LRRC51: variants seen among roughly 807,000 people sequenced by gnomAD.
LRRC51 encodes leucine rich repeat containing 51, also known as leucine-rich repeat-containing protein 51.
LRRC51 carries 8 observed loss-of-function variants against 17.8 expected under a neutral mutation model. The ratio of observed to expected loss-of-function variants is 0.45; its 90% CI spans 0.26 to 0.81. LRRC51 has a LOEUF of 0.81. LRRC51 is among the 30% of genes least tolerant of loss of function. The pLI, the probability that LRRC51 is intolerant of heterozygous loss-of-function variation, is 0.17. For synonymous variants in LRRC51, 92 were observed against 96.0 expected, an observed-to-expected ratio of 0.96 and a Z score of 0.24; for missense variants, 233 against 239.3, an observed-to-expected ratio of 0.97 and a Z score of 0.17.
intron 3 of LRRC51, among the ~76,000 whole-genome samples, chr11:72,090,490 T>C (rs905915530): frequency 6.6e-6 from 1 of 152,138 alleles, no homozygotes; most frequent in Admixed American, 6.5e-5. Flanking sequence ...TATATATGTG[T>C]GTGTGTGTGT....
intron 1 of LRRC51, among the ~76,000 whole-genome samples, chr11:72,084,044 T>G (rs1038376899): frequency 6.6e-6 from 1 of 152,224 alleles, no homozygotes; most frequent in African/African-American, 2.4e-5. Context: ...TTGCCCAGAC[T>G]GGAGTGCAGT....
chr11:72,084,591 C>A (rs1944417596), intron 1 of LRRC51, among the ~76,000 whole-genome samples: 1 of 152,096 alleles, frequency 6.6e-6, no homozygotes, highest in Non-Finnish European at 1.5e-5. Flanking sequence ...AATCCCAGCA[C>A]TTTGGGAGGC....
intron 3 of LRRC51, 146 bp downstream of exon 3, chr11:72,089,311 G>T: frequency 6.6e-7 from 1 of 1,509,966 alleles, no homozygotes; most frequent in Non-Finnish European, 9.0e-7. Context: ...GGAGGGTAGG[G>T]GAGAGTGAGA....
chr11:72,083,300 C>A (rs1944347510), intron 1 of LRRC51, among the ~76,000 whole-genome samples: 1 of 152,184 alleles, frequency 6.6e-6, no homozygotes, highest in Non-Finnish European at 1.5e-5. Context: ...TCCAAGTACC[C>A]TTCCACCATA....
chr11:72,092,704 C>T (rs150982170), intron 3 of LRRC51, among the ~76,000 whole-genome samples: 67 of 152,340 alleles, frequency 4.4e-4, no homozygotes, highest in African/African-American at 1.6e-3. Flanking sequence ...CACACAAACC[C>T]GCCCCAGACT....
chr11:72,086,825 C>T (rs747810534), intron 1 of LRRC51, among the ~76,000 whole-genome samples: 21 of 152,216 alleles, frequency 1.4e-4, no homozygotes, highest in Non-Finnish European at 2.8e-4. Context: ...TGGTGCATAA[C>T]TCTGGGGTAC....
intron 1 of LRRC51, 67 bp from the exon 2 acceptor site, chr11:72,088,230 G>T (rs1402579242): frequency 1.7e-6 from 1 of 594,096 alleles, no homozygotes; most frequent in South Asian, 2.1e-5. Context: ...AATTGGAAAC[G>T]ATCTGATAAG....
In LRRC51 at chr11:72,089,025, C is replaced by A; in HGVS notation, c.-55-4C>A. 1 of 1,611,470 alleles carries A rather than the reference C, an allele frequency of 6.2e-7. No homozygotes were observed. The highest frequency in any genetic ancestry group is 8.5e-7 in the Non-Finnish European group (1 of 1,179,620). On this transcript the variant is annotated splice_region_variant and splice_polypyrimidine_tract_variant and intron_variant, in intron 2 of 5. Coordinates refer to ENST00000289488, the MANE Select transcript of LRRC51 (RefSeq NM_145309.6). ...GAAACACTGGTCTTTCTCTGTCCTC[C>A]CAGGCTGAACCCAGACTCCCAGGGC...
In LRRC51 at chr11:72,094,686, T is replaced by TGA. The variant is rs34329029; in HGVS notation, c.289-256_289-255dup. The TGA allele has an allele frequency of 0.093, 67,541 of 722,600 alleles. 4,448 individuals carry two copies. Among genetic ancestry groups the TGA allele is most frequent in the East Asian group, 0.22 (8,331 of 37,350 alleles). The allele number at this position is 722,600 out of a possible 1,614,324, so 44.8% of individuals were successfully genotyped here. On this transcript the variant is annotated intron_variant, in intron 4 of 5. Transcript: ENST00000289488. The stretch of plus-strand genomic sequence containing the variant: ...TCTTCAGTGAAGGGGCAACTAAGGC[T>TGA]GAGAGAGGCAAGTCAGTGGCAGTGC...
In LRRC51 at chr11:72,096,813, A is replaced by G; in HGVS notation, c.*1293A>G. The G allele has an allele frequency of 2.2e-6, 3 of 1,334,786 alleles. No individual in the cohort carries two copies. The highest frequency in any genetic ancestry group is 2.9e-6 in the Non-Finnish European group (3 of 1,020,436). 82.7% of individuals were successfully genotyped at this position (1,334,786 alleles called of 1,614,324 possible). A position where few individuals can be genotyped will look rare whatever the true frequency, so the allele number is the denominator to read the frequency against. ...TCTGAAACCAGCCCCCACTTCAATCAGATCAAAGTAATTCCATTCTGTTTT... is the reference window on the plus strand; with the variant it reads ...TCTGAAACCAGCCCCCACTTCAATCGGATCAAAGTAATTCCATTCTGTTTT... On this transcript the variant is annotated 3_prime_UTR_variant, in exon 6 of 6. Coordinates refer to ENST00000289488, the MANE Select transcript of LRRC51 (RefSeq NM_145309.6).
intron 3 of LRRC51, among the ~76,000 whole-genome samples, chr11:72,090,523 A>T (rs1206080148): frequency 6.6e-6 from 1 of 152,148 alleles, no homozygotes; most frequent in African/African-American, 2.4e-5. Context: ...TATGCCAGGT[A>T]TTGTGCTCCT....
rs1945225263 is a variant in LRRC51, at chr11:72,096,646, T to A, written c.*1126T>A. 1 of 1,529,338 alleles carries A rather than the reference T, an allele frequency of 6.5e-7. No individual in the cohort carries two copies. The highest frequency in any genetic ancestry group is 8.8e-7 in the Non-Finnish European group (1 of 1,138,060). 94.7% of individuals were successfully genotyped at this position (1,529,338 alleles called of 1,614,324 possible). On this transcript the variant is annotated 3_prime_UTR_variant, in exon 6 of 6. Coordinates refer to ENST00000289488, the MANE Select transcript of LRRC51 (RefSeq NM_145309.6). ...CACAGCCTTGGGAAATTTATCTAAC[T>A]CTCTGGGCCCCTTTGTACTTTTCAG...
At chr11:72,088,867 T>G in intron 2 of LRRC51, 162 bp from the exon 3 acceptor site, 2 of 742,140 alleles carry the variant, frequency 2.7e-6, no homozygotes, top group Non-Finnish European at 4.3e-6. Context: ...TAGAAAGTGC[T>G]CTATACATGC....
rs535711353 is a variant in LRRC51 at position 72,084,829 on chromosome 11, C to A, written c.-139-3468C>A. 1.0e-4 allele frequency among the ~76,000 whole-genome samples: 9 copies of A among 90,338 alleles called. No homozygotes were observed. In the Admixed American group the frequency reaches 1.2e-3, roughly 12 times the overall value. The allele number at this position is 90,338 out of a possible 152,430, so 59.3% of individuals were successfully genotyped here. On this transcript the variant is annotated intron_variant, in intron 1 of 5. Coordinates refer to ENST00000289488, the MANE Select transcript of LRRC51 (RefSeq NM_145309.6). ...TCCAGCCTGCACAACAGAGCGAGAC[C>A]TTGTCTCAAAAAAAAAAAAAAAAAA...
chr11:72,095,170 C>T (rs990042469), intron 5 of LRRC51, 74 bp downstream of exon 5: 4 of 1,586,372 alleles, frequency 2.5e-6, no homozygotes, highest in Non-Finnish European at 3.4e-6. Context: ...AACAAGAAAT[C>T]TACGACCATT....
At chr11:72,088,558 C>A in intron 2 of LRRC51, 178 bp downstream of exon 2, 2 of 622,270 alleles carry the variant, frequency 3.2e-6, no homozygotes, top group East Asian at 5.5e-5. Context: ...TGGTGAGACA[C>A]CAACCAGATG....
intron 1 of LRRC51, chr11:72,086,432 G>T (rs1310126346): frequency 1.4e-6 from 1 of 702,360 alleles, no homozygotes; most frequent in Admixed American, 2.0e-5. Context: ...GGTGTGGACT[G>T]AAACAGCTGA....
At chr11:72,094,763 T>C (rs1565320725) in intron 4 of LRRC51, 185 bp from the exon 5 acceptor site, 2 of 1,133,258 alleles carry the variant, frequency 1.8e-6, no homozygotes, top group East Asian at 2.5e-5. Context: ...CTTTTCAGTG[T>C]GATGCCCTGT....
At chr11:72,092,513 TAA>T (rs1252991693) in intron 3 of LRRC51, among the ~76,000 whole-genome samples, 1 of 152,232 alleles carries the variant, frequency 6.6e-6, no homozygotes, top group Non-Finnish European at 1.5e-5. Context: ...CACTGACACT[TAA>T]GAGTGATCTT....
Sources: gnomAD v4.1 joint callset for allele counts (sites outside exome capture counted in the v4.1 genomes callset) on GRCh38, gnomAD v4.1.1 for gene constraint, MANE v1.5 for transcripts, NCBI Gene and HGNC (gene_info 2026-07-23, HGNC 2026-07-21) for gene names.